Variants in FAM131A observed in about 807,000 individuals in gnomAD.
FAM131A encodes the protein protein FAM131A.
A neutral mutation model predicts 39.2 loss-of-function variants in FAM131A; 24 were observed. That is an observed-to-expected ratio of 0.61 (90% confidence interval 0.44 to 0.86). FAM131A has a LOEUF of 0.86. FAM131A is among the 40% of genes least tolerant of loss of function. The pLI, the probability that FAM131A is intolerant of heterozygous loss-of-function variation, is 0.00. For missense variants in FAM131A, 373 were observed against 481.2 expected, an observed-to-expected ratio of 0.78 and a Z score of 2.10; for synonymous variants, 202 against 206.8, an observed-to-expected ratio of 0.98 and a Z score of 0.20.
rs1260897864 is a variant in FAM131A, at chr3:184,345,453, T to C, written c.*483T>C. 1 of 691,238 alleles carries C rather than the reference T, an allele frequency of 1.4e-6. No homozygotes were observed. Among genetic ancestry groups the C allele is most frequent in the African/African-American group, 1.8e-5 (1 of 56,156 alleles). The allele number at this position is 691,238 out of a possible 1,614,324, so 42.8% of individuals were successfully genotyped here. A position where few individuals can be genotyped will look rare whatever the true frequency, so the allele number is the denominator to read the frequency against. The stretch of plus-strand genomic sequence containing the variant: ...ACCCCCACCTGGAGGGGCTGGCTCC[T>C]GCCCTCCCGGAGCCTATGGGTTGAG... On this transcript the variant is annotated 3_prime_UTR_variant, in exon 6 of 6. Coordinates refer to ENST00000383847, the MANE Select transcript of FAM131A (RefSeq NM_144635.5).
chr3:184,336,786 G>C (rs1284983741), upstream of FAM131A, among the ~76,000 whole-genome samples: 1 of 152,220 alleles, frequency 6.6e-6, no homozygotes, highest in Non-Finnish European at 1.5e-5. This position sits in a 1 kb window ranked among gnomAD's most constrained non-coding sequence, Gnocchi z 5.5. Context: ...GAGGGAAAGA[G>C]GAACCCAGAG....
Position 184,345,752 on chromosome 3 carries a change from C to T in FAM131A, c.*782C>T. The T allele has an allele frequency of 1.7e-6, 1 of 591,920 alleles. No individual in the cohort carries two copies. Among genetic ancestry groups the T allele is most frequent in the Non-Finnish European group, 3.0e-6 (1 of 335,588 alleles). 36.7% of individuals were successfully genotyped at this position (591,920 alleles called of 1,614,324 possible). A position where few individuals can be genotyped will look rare whatever the true frequency, so the allele number is the denominator to read the frequency against. On this transcript the variant is annotated 3_prime_UTR_variant, in exon 6 of 6. Coordinates refer to ENST00000383847, the MANE Select transcript of FAM131A (RefSeq NM_144635.5). ...CTCACAGCCAGCCGGGCTGCCCATTCACGCAGAGCTCTCTGAGCGGGAGGT... is the reference window on the plus strand; with the variant it reads ...CTCACAGCCAGCCGGGCTGCCCATTTACGCAGAGCTCTCTGAGCGGGAGGT...
At position 184,341,758 on chromosome 3, in the gene FAM131A, A is replaced by C; in HGVS notation, c.266A>C (p.Lys89Thr). 6.2e-7 allele frequency: 1 copy of C among 1,612,122 alleles called. No individual in the cohort carries two copies. Among genetic ancestry groups the C allele is most frequent in the Non-Finnish European group, 8.5e-7 (1 of 1,180,010 alleles). Residue 89 changes from lysine (K) to threonine (T), a missense_variant, in exon 3 of 6, where the codon AAG becomes ACG. Transcript: ENST00000383847. ...GGAGACACAGTCGCGATGCTGCCCA[A>C]GTCCCGGCGAGCCCTAACTATCCAG... ...NVGDTVAMLP[K>T]SRRALTIQEI... is the part of the protein sequence containing the mutation.
In FAM131A at chr3:184,344,501, C is replaced by T; in HGVS notation, c.632C>T (p.Ala211Val). 6.6e-7 allele frequency: 1 copy of T among 1,525,372 alleles called. No individual in the cohort carries two copies. 94.5% of individuals were successfully genotyped at this position (1,525,372 alleles called of 1,614,324 possible). ...DFAGGMDTDMAGQLPLGPHLQ... is the reference protein window; with the variant it reads ...DFAGGMDTDMVGQLPLGPHLQ... Reference sequence around the variant, plus strand: ...TTTTCTCTTCTCCTCACAGACATGGCTGGGCAGCTGCCCCTGGGGCCGCAC... The same window carrying T: ...TTTTCTCTTCTCCTCACAGACATGGTTGGGCAGCTGCCCCTGGGGCCGCAC... The change falls in exon 6 of 6, where the codon GCT becomes GTT. Residue 211 changes from alanine to valine, a missense_variant. Ala to Val is a moderately conservative substitution (Grantham distance 64). Around this residue, in one of 2 missense-constraint regions of FAM131A, gnomAD observed 221 missense variants for 347.7 expected, o/e 0.64. Transcript: ENST00000383847.
chr3:184,341,929 T>C (rs1560242620), intron 3 of FAM131A, 112 bp downstream of exon 3: 1 of 1,499,288 alleles, frequency 6.7e-7, no homozygotes, highest in African/African-American at 1.4e-5. Flanking sequence ...TTTCTTCCCT[T>C]GCTCAGGTGA....
At chr3:184,336,892 T>C (rs913063860), upstream of FAM131A, among the ~76,000 whole-genome samples, 1 of 152,204 alleles carries the variant, frequency 6.6e-6, no homozygotes, top group Non-Finnish European at 1.5e-5. This position sits in a 1 kb window ranked among gnomAD's most constrained non-coding sequence, Gnocchi z 5.5. Context: ...CGTAGTCCTG[T>C]GCATCAGAGG....
In FAM131A at chr3:184,342,085, G is replaced by A. The variant is rs757945863; in HGVS notation, c.345G>A (p.Lys115=). ...SSLHGISQVV[K]DHVTKPTAMA... Reference sequence around the variant, plus strand: ...CTCCAGGTATTTCCCAGGTGGTGAAGGACCACGTGACCAAGCCTACCGCCA... The same window carrying A: ...CTCCAGGTATTTCCCAGGTGGTGAAAGACCACGTGACCAAGCCTACCGCCA... The change falls in exon 4 of 6, where the codon AAG becomes AAA. Residue 115 remains lysine (K), a synonymous_variant. Transcript: ENST00000383847. This position sits in a 1 kb window ranked among gnomAD's most constrained non-coding sequence, Gnocchi z 4.6. The A allele has an allele frequency of 1.9e-6, 3 of 1,614,206 alleles. No individual in the cohort carries two copies. Among genetic ancestry groups the A allele is most frequent in the Non-Finnish European group, 2.5e-6 (3 of 1,180,040 alleles).
chr3:184,342,702 T>G lies in FAM131A; in HGVS notation c.509-42T>G. On this transcript the variant is annotated intron_variant, in intron 4 of 5. Coordinates refer to ENST00000383847, the MANE Select transcript of FAM131A (RefSeq NM_144635.5). The surrounding 1 kb of genome is among the most constrained non-coding windows in gnomAD (Gnocchi z 4.6). ...CCTGTCTTCAAGCTGAGCCCTAGAC[T>G]TAGCTCACCTTCTCTGCTTATGCAT... The G allele has an allele frequency of 1.3e-6, 2 of 1,556,424 alleles. No individual in the cohort carries two copies.
Position 184,342,625 on chromosome 3 carries a change from C to G in FAM131A, c.509-119C>G. ...CCGGCCAGGGCTGCTTTCTTATCTC[C>G]TCGGGTCTGACATGGGGGTTGGAGT... On this transcript the variant is annotated intron_variant, in intron 4 of 5. Coordinates refer to ENST00000383847, the MANE Select transcript of FAM131A (RefSeq NM_144635.5). The surrounding 1 kb of genome is among the most constrained non-coding windows in gnomAD (Gnocchi z 4.6). 1.1e-6 allele frequency: 1 copy of G among 885,396 alleles called. No homozygotes were observed. Among genetic ancestry groups the G allele is most frequent in the Non-Finnish European group, 1.7e-6 (1 of 576,096 alleles). 54.8% of individuals were successfully genotyped at this position (885,396 alleles called of 1,614,324 possible). A position where few individuals can be genotyped will look rare whatever the true frequency, so the allele number is the denominator to read the frequency against.
intron 5 of FAM131A, 110 bp from the exon 6 acceptor site, chr3:184,344,385 C>T: frequency 9.6e-7 from 1 of 1,046,680 alleles, no homozygotes; most frequent in Non-Finnish European, 1.4e-6. Flanking sequence ...TACCCAGCAC[C>T]TATCCACCCC....
In FAM131A at chr3:184,344,792, C is replaced by T. The variant is rs138134153; in HGVS notation, c.923C>T (p.Ser308Leu). 1.1e-4 allele frequency: 177 copies of T among 1,612,284 alleles called. 1 individual carries two copies. The highest frequency in any genetic ancestry group is 6.6e-4 in the Middle Eastern group (4 of 6,060). The change falls in exon 6 of 6, where the codon TCG becomes TTG. Residue 308 changes from serine to leucine, a missense_variant. Physicochemically the swap from Ser to Leu is moderately radical, Grantham distance 145. Around this residue, in one of 2 missense-constraint regions of FAM131A, gnomAD observed 152 missense variants for 133.5 expected, o/e 1.14. Coordinates refer to ENST00000383847, the MANE Select transcript of FAM131A (RefSeq NM_144635.5). ...GAGGCCCAGGACTCACTCTACAACT[C>T]GCCCCTCACAGAGTCCTGCCTTTCC... ...PLEAQDSLYN[S>L]PLTESCLSPA...
upstream of FAM131A, chr3:184,335,988 C>T: frequency 6.6e-6 from 1 of 152,264 alleles, no homozygotes; most frequent in Non-Finnish European, 1.5e-5. Flanking sequence ...CCCCTCCCCT[C>T]TCACGGGCTC....
In FAM131A at chr3:184,342,627, CG is replaced by C. The variant is rs1727436034; in HGVS notation, c.509-114del. ...GGCCAGGGCTGCTTTCTTATCTCCT[CG>C]GGTCTGACATGGGGGTTGGAGTCTT... On this transcript the variant is annotated intron_variant, in intron 4 of 5. Coordinates refer to ENST00000383847, the MANE Select transcript of FAM131A (RefSeq NM_144635.5). The surrounding 1 kb of genome is among the most constrained non-coding windows in gnomAD (Gnocchi z 4.6). 1 of 889,644 alleles carries C rather than the reference CG, an allele frequency of 1.1e-6. No homozygotes were observed. Among genetic ancestry groups the C allele is most frequent in the Admixed American group, 2.4e-5 (1 of 42,150 alleles). 55.1% of individuals were successfully genotyped at this position (889,644 alleles called of 1,614,324 possible). A position where few individuals can be genotyped will look rare whatever the true frequency, so the allele number is the denominator to read the frequency against.
chr3:184,339,923 G>T (rs1475166092), intron 2 of FAM131A: 1 of 152,428 alleles, frequency 6.6e-6, no homozygotes, highest in Non-Finnish European at 1.5e-5. Flanking sequence ...TTAGAGATGT[G>T]TTGTGACCAG....
upstream of FAM131A, among the ~76,000 whole-genome samples, chr3:184,336,286 G>GT (rs985600199): frequency 2.0e-5 from 3 of 152,198 alleles, no homozygotes; most frequent in Non-Finnish European, 2.9e-5. The surrounding 1 kb of genome is among the most constrained non-coding windows in gnomAD (Gnocchi z 5.5). Flanking sequence ...AATGAGCAGG[G>GT]AAGGGGCCAG....
In FAM131A at chr3:184,341,908, G is replaced by A. The variant is rs148791997; in HGVS notation, c.325+91G>A. The stretch of plus-strand genomic sequence containing the variant: ...GAACTGTTTCCTGTGAGTACATGCT[G>A]GGGTCTCCCCTTTCTTCCCTTGCTC... On this transcript the variant is annotated intron_variant, in intron 3 of 5. Transcript: ENST00000383847. 25 of 1,518,528 alleles carry A rather than the reference G, an allele frequency of 1.6e-5. No individual in the cohort carries two copies. The African/African-American group carries it at 3.2e-4, about 19-fold the overall frequency. 94.1% of individuals were successfully genotyped at this position (1,518,528 alleles called of 1,614,324 possible).
At chr3:184,341,651 C>T in intron 2 of FAM131A, 73 bp from the exon 3 acceptor site, 2 of 1,290,776 alleles carry the variant, frequency 1.5e-6, no homozygotes, top group Non-Finnish European at 2.2e-6. Flanking sequence ...CATGCCTTTG[C>T]TGGGTATGGG....
In FAM131A at chr3:184,345,201, G is replaced by A. The variant is rs1242280305; in HGVS notation, c.*231G>A. 1.4e-5 allele frequency: 8 copies of A among 579,178 alleles called. No individual in the cohort carries two copies. Among genetic ancestry groups the A allele is most frequent in the East Asian group, 2.9e-5 (1 of 34,378 alleles). The allele number at this position is 579,178 out of a possible 1,614,324, so 35.9% of individuals were successfully genotyped here. A position where few individuals can be genotyped will look rare whatever the true frequency, so the allele number is the denominator to read the frequency against. ...TCCCGGGGCTTGCCGGGGGTTGCCC[G>A]GGGCCTCTGGGGCATGGCTACAGCT... On this transcript the variant is annotated 3_prime_UTR_variant, in exon 6 of 6. Coordinates refer to ENST00000383847, the MANE Select transcript of FAM131A (RefSeq NM_144635.5).
In FAM131A at chr3:184,345,347, C is replaced by T; in HGVS notation, c.*377C>T. The T allele has an allele frequency of 1.7e-6, 1 of 596,436 alleles. No homozygotes were observed. Among genetic ancestry groups the T allele is most frequent in the Non-Finnish European group, 3.0e-6 (1 of 337,486 alleles). The allele number at this position is 596,436 out of a possible 1,614,324, so 36.9% of individuals were successfully genotyped here. A position where few individuals can be genotyped will look rare whatever the true frequency, so the allele number is the denominator to read the frequency against. ...GAGGGTGGGGTGGGAGGGGGCCCAG[C>T]AACCCCCCACCCTCCCCATGCCTCT... On this transcript the variant is annotated 3_prime_UTR_variant, in exon 6 of 6. Coordinates refer to ENST00000383847, the MANE Select transcript of FAM131A (RefSeq NM_144635.5).
Sources: allele counts gnomAD v4.1 joint callset (sites outside exome capture counted in the v4.1 genomes callset), GRCh38; gene constraint gnomAD v4.1.1; regional missense constraint gnomAD v4.1.1; non-coding constraint Gnocchi (gnomAD v3.1); transcripts MANE v1.5; gene names NCBI Gene and HGNC (gene_info 2026-07-23, HGNC 2026-07-21).